TOX4: variants seen among roughly 807,000 people sequenced by gnomAD.
TOX4 encodes TOX high mobility group box family member 4.
Under a neutral mutation model 61.0 loss-of-function variants are expected in TOX4, and 12 were observed. The observed-to-expected ratio is 0.20, with a 90% confidence interval of 0.13 to 0.32. The LOEUF (loss-of-function observed/expected upper bound fraction) is 0.32, where lower values mean the gene tolerates loss of function less well. Among genes scored for constraint, TOX4 ranks in the 10% least tolerant of loss-of-function variants. TOX4 has a pLI of 1.00. For missense variants in TOX4, 499 were observed against 753.3 expected (o/e 0.66, Z 3.95); for synonymous variants, 268 against 274.8 (o/e 0.98, Z 0.24).
rs1891437914 is a variant in TOX4 at position 21,497,700 on chromosome 14, G to A, written c.*1094G>A. ...CCGCCACTACGCCCAGCTAATTTGT[G>A]GTATTTTTAGTAGAGACAGGGTTTC... is the stretch of plus-strand genomic sequence containing the variant. On this transcript the variant is annotated 3_prime_UTR_variant, in exon 9 of 9. Coordinates refer to ENST00000448790, the MANE Select transcript of TOX4 (RefSeq NM_014828.4). The A allele has an allele frequency of 6.6e-6, 1 of 151,614 alleles. No homozygotes were observed. Among genetic ancestry groups the A allele is most frequent in the South Asian group, 2.1e-4 (1 of 4,792 alleles). The allele number at this position is 151,614 out of a possible 1,614,324, so 9.4% of individuals were successfully genotyped here. A position where few individuals can be genotyped will look rare whatever the true frequency, so the allele number is the denominator to read the frequency against.
In TOX4 at chr14:21,477,270, T is replaced by A. The variant is rs1312633594; in HGVS notation, c.-9T>A. On this transcript the variant is annotated 5_prime_UTR_variant, in exon 1 of 9. Coordinates refer to ENST00000448790, the MANE Select transcript of TOX4 (RefSeq NM_014828.4). ...GAGGGTCTGAGACGGTGGGAGCGGT[T>A]GTGTGAAGATGGAGGTAGGAACCTG... 1 of 1,613,426 alleles carries A rather than the reference T, an allele frequency of 6.2e-7. No homozygotes were observed. The highest frequency in any genetic ancestry group is 1.1e-5 in the South Asian group (1 of 91,052).
At position 21,498,586 on chromosome 14, in the gene TOX4, G is replaced by T; in HGVS notation, c.*1980G>T. On this transcript the variant is annotated 3_prime_UTR_variant, in exon 9 of 9. Transcript: ENST00000448790. ...TAGACTGGATCTGTATTATCTGAGGGTTAGTAACTAATGCTTAGCCAGGCC... is the reference window on the plus strand; with the variant it reads ...TAGACTGGATCTGTATTATCTGAGGTTTAGTAACTAATGCTTAGCCAGGCC... 1 of 575,584 alleles carries T rather than the reference G, an allele frequency of 1.7e-6. No individual in the cohort carries two copies. The highest frequency in any genetic ancestry group is 3.0e-6 in the Non-Finnish European group (1 of 329,380). The allele number at this position is 575,584 out of a possible 1,614,324, so 35.7% of individuals were successfully genotyped here. A position where few individuals can be genotyped will look rare whatever the true frequency, so the allele number is the denominator to read the frequency against.
Position 21,492,515 on chromosome 14 carries a change from T to G in TOX4, c.899T>G (p.Val300Gly). Residue 300 changes from valine to glycine, a missense_variant, in exon 7 of 9, where the codon GTG becomes GGG. Physicochemically the swap from Val to Gly is moderately radical, Grantham distance 109. This residue lies in a region of TOX4 where 296 missense variants were observed against 404.7 expected (regional missense o/e 0.73). Transcript: ENST00000448790. ...ATTTATGTCTTCTTTTAGGCCACTG[T>G]GGAAACAGTGGAATTGGATCCAGCA... ...YKDNQECQAT[V>G]ETVELDPAPP... 1 of 1,613,644 alleles carries G rather than the reference T, an allele frequency of 6.2e-7. No individual in the cohort carries two copies. The highest frequency in any genetic ancestry group is 8.5e-7 in the Non-Finnish European group (1 of 1,179,702).
chr14:21,496,012 A>G (rs1891391026), intron 8 of TOX4: 1 of 153,508 alleles, frequency 6.5e-6, no homozygotes, highest in Non-Finnish European at 1.4e-5. Flanking sequence ...CAGATAAAAA[A>G]TCCAGCTGGG....
rs529114348 is a variant in TOX4, at chr14:21,485,506, A to G, written c.76-1945A>G. On this transcript the variant is annotated intron_variant, in intron 2 of 8. Coordinates refer to ENST00000448790, the MANE Select transcript of TOX4 (RefSeq NM_014828.4). The stretch of plus-strand genomic sequence containing the variant: ...TGAGGTGGGAGAATCACTTGAACCC[A>G]GGAGGCGGAGGTTGCAGTGAGCAAT... 4.9e-5 allele frequency among the ~76,000 whole-genome samples: 5 copies of G among 101,858 alleles called. 2 individuals carry two copies. The East Asian group carries it at 1.9e-3, about 38-fold the overall frequency. 66.8% of individuals were successfully genotyped at this position (101,858 alleles called of 152,430 possible).
In TOX4 at chr14:21,488,579, GCTT is replaced by G. The variant is rs1891230047; in HGVS notation, c.319-8_319-6del. 6.2e-7 allele frequency: 1 copy of G among 1,608,282 alleles called. No homozygotes were observed. The highest frequency in any genetic ancestry group is 1.3e-5 in the African/African-American group (1 of 74,802). ...TATTTAGTGTTTAATTAGTCCTTCT[GCTT>G]CTCTCAGGACTTGGACCACTCTATA... On this transcript the variant is annotated splice_region_variant and splice_polypyrimidine_tract_variant and intron_variant, in intron 3 of 8. Transcript: ENST00000448790.
At chr14:21,488,545 T>C (rs1487185687) in intron 3 of TOX4, 45 bp from the exon 4 acceptor site, 4 of 1,563,926 alleles carry the variant, frequency 2.6e-6, no homozygotes, top group African/African-American at 1.4e-5. Flanking sequence ...GGAAAAGTGG[T>C]TTTTTTTATA....
chr14:21,490,205 C>T (rs780798019), intron 5 of TOX4, among the ~76,000 whole-genome samples: 23 of 149,728 alleles, frequency 1.5e-4, no homozygotes, highest in Non-Finnish European at 2.4e-4. Flanking sequence ...AGGCCGGGCG[C>T]GGTGGCTCAC....
Position 21,487,688 on chromosome 14 carries a change from A to G in TOX4, c.313A>G (p.Thr105Ala), listed in dbSNP as rs753297484. Reference sequence around the variant, plus strand: ...CGGGGGGCTCCTGAGTGGGGGCTTGACCATGGTAAGGGGCAAGACATTGTC... The same window carrying G: ...CGGGGGGCTCCTGAGTGGGGGCTTGGCCATGGTAAGGGGCAAGACATTGTC... ...QGGGLLSGGL[T>A]MDLDHSIGTQ... Residue 105 changes from threonine to alanine, a missense_variant, in exon 3 of 9, where the codon ACC (threonine) becomes GCC (alanine). Physicochemically the swap from Thr to Ala is moderately conservative, Grantham distance 58. Transcript: ENST00000448790. The G allele has an allele frequency of 6.2e-7, 1 of 1,610,802 alleles. No homozygotes were observed. The highest frequency in any genetic ancestry group is 2.2e-5 in the East Asian group (1 of 44,782).
chr14:21,485,785 G>T (rs1891182643), intron 2 of TOX4, among the ~76,000 whole-genome samples: 1 of 99,930 alleles, frequency 1.0e-5, no homozygotes, highest in African/African-American at 3.8e-5. Context: ...AGAACTGCTT[G>T]AACCCGGGAG....
chr14:21,492,159 A>C (rs3737049), intron 5 of TOX4, 137 bp from the exon 6 acceptor site: 404,283 of 793,500 alleles, frequency 0.51, 104,753 homozygotes, highest in East Asian at 0.65. Flanking sequence ...TAGCTTTCAG[A>C]ATTGAATTCA....
chr14:21,490,230 G>T (rs1468771518), intron 5 of TOX4, among the ~76,000 whole-genome samples: 1 of 152,022 alleles, frequency 6.6e-6, no homozygotes, highest in African/African-American at 2.4e-5. Context: ...GTTAATCCCA[G>T]CACTTTGGGA....
intron 8 of TOX4, chr14:21,495,906 C>T (rs919106118): frequency 6.5e-6 from 1 of 153,064 alleles, no homozygotes; most frequent in Non-Finnish European, 1.5e-5. Context: ...ATTGCCTCTA[C>T]TTCTGACTTT....
chr14:21,483,792 T>G (rs1327715504), intron 2 of TOX4, among the ~76,000 whole-genome samples: 4 of 127,338 alleles, frequency 3.1e-5, no homozygotes, highest in Admixed American at 1.5e-4. Flanking sequence ...TGCGTGGTAT[T>G]TTTTGTTATT....
In TOX4 at chr14:21,498,347, C is replaced by A; in HGVS notation, c.*1741C>A. 6.2e-7 allele frequency: 1 copy of A among 1,614,062 alleles called. No homozygotes were observed. The highest frequency in any genetic ancestry group is 8.5e-7 in the Non-Finnish European group (1 of 1,180,012). On this transcript the variant is annotated 3_prime_UTR_variant, in exon 9 of 9. Coordinates refer to ENST00000448790, the MANE Select transcript of TOX4 (RefSeq NM_014828.4). ...TCTGGGTCTAGTAGGTGGATCCCAT[C>A]CAGTTGGTTTCCAAGGGTGATCCTG...
intron 2 of TOX4, 158 bp downstream of exon 2, chr14:21,477,722 G>T: frequency 1.4e-6 from 1 of 722,664 alleles, no homozygotes; most frequent in Non-Finnish European, 2.3e-6. Flanking sequence ...AGCCTGTGGG[G>T]ACTATCTGGG....
rs1407980336 is a variant in TOX4 at position 21,497,912 on chromosome 14, G to C, written c.*1306G>C. The C allele has an allele frequency of 4.8e-6, 1 of 207,658 alleles. No homozygotes were observed. The highest frequency in any genetic ancestry group is 9.8e-6 in the Non-Finnish European group (1 of 102,352). The allele number at this position is 207,658 out of a possible 1,614,324, so 12.9% of individuals were successfully genotyped here. ...TGCCCAGTCTAGTCTTGAACTCCTG[G>C]GCTACAGTTACCCTCCTACCTCGGC... On this transcript the variant is annotated 3_prime_UTR_variant, in exon 9 of 9. Coordinates refer to ENST00000448790, the MANE Select transcript of TOX4 (RefSeq NM_014828.4).
chr14:21,482,857 C>CTTT (rs11424576), intron 2 of TOX4, among the ~76,000 whole-genome samples: 1 of 150,560 alleles, frequency 6.6e-6, no homozygotes, highest in Non-Finnish European at 1.5e-5. Flanking sequence ...TTACCCTATC[C>CTTT]TTTTTTTTTA....
Position 21,477,210 on chromosome 14 carries a change from G to T in TOX4, c.-69G>T. On this transcript the variant is annotated 5_prime_UTR_variant, in exon 1 of 9. Transcript: ENST00000448790. ...AACACACGTCCTTGCGGAAGTGACGGCAGTTCCGAGTCCAGTGGGGGCGGT... is the reference window on the plus strand; with the variant it reads ...AACACACGTCCTTGCGGAAGTGACGTCAGTTCCGAGTCCAGTGGGGGCGGT... The T allele has an allele frequency of 6.2e-7, 1 of 1,613,196 alleles. No homozygotes were observed. Among genetic ancestry groups the T allele is most frequent in the Non-Finnish European group, 8.5e-7 (1 of 1,179,158 alleles).
Sources: allele counts gnomAD v4.1 joint callset (sites outside exome capture counted in the v4.1 genomes callset), GRCh38; gene constraint gnomAD v4.1.1; regional missense constraint gnomAD v4.1.1; transcripts MANE v1.5; gene names NCBI Gene and HGNC (gene_info 2026-07-23, HGNC 2026-07-21).